Variants in TNXB observed in about 807,000 individuals in gnomAD.
The protein encoded by TNXB is tenascin-X.
TNXB carries 183 observed loss-of-function variants against 340.5 expected under a neutral mutation model. The observed-to-expected ratio is 0.54, with a 90% CI of 0.48 to 0.61. The LOEUF is 0.61. Ranked by LOEUF, TNXB falls within the 20% of genes least tolerant of loss-of-function variation. The probability of loss-of-function intolerance (pLI) is 0.00; values close to 1 mark genes in which losing one functional copy is unlikely to be tolerated. For synonymous variants in TNXB, 2,121 were observed against 2,314.5 expected, an observed-to-expected ratio of 0.92 and a Z score of 2.40; for missense variants, 4,613 against 5,446.4, an observed-to-expected ratio of 0.85 and a Z score of 4.82.
chr6:32,072,382 A>T lies in TNXB; in HGVS notation c.4682-84T>A. On this transcript the variant is annotated intron_variant, in intron 12 of 43. Coordinates refer to ENST00000644971, the MANE Select transcript of TNXB (RefSeq NM_001365276.2). This position sits in a 1 kb window ranked among gnomAD's most constrained non-coding sequence, Gnocchi z 4.4. The stretch of plus-strand genomic sequence containing the variant: ...TTTGAGGGCCTCAGGGGGGCTGTGA[A>T]CTGAGATGGGGAATAGTTACACCTT... 1 of 1,175,080 alleles carries T rather than the reference A, an allele frequency of 8.5e-7. No individual in the cohort carries two copies. The highest frequency in any genetic ancestry group is 1.2e-6 in the Non-Finnish European group (1 of 859,790). The allele number at this position is 1,175,080 out of a possible 1,614,324, so 72.8% of individuals were successfully genotyped here. A position where few individuals can be genotyped will look rare whatever the true frequency, so the allele number is the denominator to read the frequency against.
At chr6:32,100,047 G>A (rs1011925845) in intron 1 of TNXB, among the ~76,000 whole-genome samples, 2 of 147,998 alleles carry the variant, frequency 1.4e-5, no homozygotes, top group South Asian at 4.2e-4. Context: ...GAAAAGTAAA[G>A]CAATATCTTT....
rs569517605 is a variant in TNXB at position 32,107,137 on chromosome 6, C to T, written c.-9+2044G>A. ...GGTGTGAGAGGAACAAAGCAGGAGG[C>T]CCTTCCCAGTGGGAAGCAGCGGACA... On this transcript the variant is annotated intron_variant, in intron 1 of 43. Transcript: ENST00000644971. Among the ~76,000 whole-genome samples, 17 of 152,320 alleles carry T rather than the reference C, an allele frequency of 1.1e-4. 1 individual carries two copies. Among genetic ancestry groups the T allele is most frequent in the African/African-American group, 3.8e-4 (16 of 41,562 alleles).
In TNXB at chr6:32,084,670, G is replaced by GGGCCTGAGGACTTCCCAGGCTTC; in HGVS notation, c.3187_3188insGAAGCCTGGGAAGTCCTCAGGCC (p.Pro1063ArgfsTer14). ...TGTCACCGTCAGCTCACCCAGGCGT[G>GGGCCTGAGGACTTCCCAGGCTTC]GTGGGCCTGAGGACTTCCCAGGCTT... On this transcript the variant is annotated frameshift_variant, in exon 8 of 44. Transcript: ENST00000644971. LOFTEE classifies it high-confidence loss of function. The surrounding 1 kb of genome is among the most constrained non-coding windows in gnomAD (Gnocchi z 5.5). 1 of 1,591,628 alleles carries GGGCCTGAGGACTTCCCAGGCTTC rather than the reference G, an allele frequency of 6.3e-7. No individual in the cohort carries two copies. Among genetic ancestry groups the GGGCCTGAGGACTTCCCAGGCTTC allele is most frequent in the Non-Finnish European group, 8.6e-7 (1 of 1,166,848 alleles).
chr6:32,082,467 C>G lies in TNXB; in HGVS notation c.3446-141G>C. The G allele has an allele frequency of 1.2e-6, 1 of 866,090 alleles. No individual in the cohort carries two copies. The highest frequency in any genetic ancestry group is 1.7e-6 in the Non-Finnish European group (1 of 573,946). The allele number at this position is 866,090 out of a possible 1,614,324, so 53.7% of individuals were successfully genotyped here. A position where few individuals can be genotyped will look rare whatever the true frequency, so the allele number is the denominator to read the frequency against. On this transcript the variant is annotated intron_variant, in intron 8 of 43. Transcript: ENST00000644971. This position sits in a 1 kb window ranked among gnomAD's most constrained non-coding sequence, Gnocchi z 5.0. ...CATTTGCTGAGGGAGTACAGAGGGA[C>G]TGAAATCCAGCCAGCACTCTGCTTG...
At position 32,046,194 on chromosome 6, in the gene TNXB, G is replaced by C; in HGVS notation, c.10587C>G (p.Val3529=). 1 of 1,588,276 alleles carries C rather than the reference G, an allele frequency of 6.3e-7. No individual in the cohort carries two copies. The highest frequency in any genetic ancestry group is 8.6e-7 in the Non-Finnish European group (1 of 1,163,520). ...CCTCACCTGTCATTCCCAGGGCAGA[G>C]ACCGGGCCCAGGCGCTTTCCCCCAA... ...GLLGGKRLGP[V]SALGMTAPEE... is the part of the protein sequence containing the mutation. Residue 3529 remains valine, a synonymous_variant, in exon 31 of 44, where the codon GTC becomes GTG. Transcript: ENST00000644971. The surrounding 1 kb of genome is among the most constrained non-coding windows in gnomAD (Gnocchi z 6.9).
Position 32,072,632 on chromosome 6 carries a change from G to A in TNXB, c.4682-334C>T, listed in dbSNP as rs138195086. On this transcript the variant is annotated intron_variant, in intron 12 of 43. Transcript: ENST00000644971. This position sits in a 1 kb window ranked among gnomAD's most constrained non-coding sequence, Gnocchi z 4.4. Reference sequence around the variant, plus strand: ...CCAAGTCCTGTTATTTAATGAACTAGTAAATAAGTCCAAGTATTACTAAAT... The same window carrying A: ...CCAAGTCCTGTTATTTAATGAACTAATAAATAAGTCCAAGTATTACTAAAT... Among the ~76,000 whole-genome samples the A allele has an allele frequency of 8.5e-3, 1,293 of 152,346 alleles. 19 individuals carry two copies. The highest frequency in any genetic ancestry group is 0.03 in the African/African-American group (1,239 of 41,564).
Position 32,047,603 on chromosome 6 carries a change from A to G in TNXB, c.10324+131T>C. 9.9e-7 allele frequency: 1 copy of G among 1,014,366 alleles called. No homozygotes were observed. Among genetic ancestry groups the G allele is most frequent in the Non-Finnish European group, 1.4e-6 (1 of 718,656 alleles). 62.8% of individuals were successfully genotyped at this position (1,014,366 alleles called of 1,614,324 possible). On this transcript the variant is annotated intron_variant, in intron 30 of 43. Coordinates refer to ENST00000644971, the MANE Select transcript of TNXB (RefSeq NM_001365276.2). This position sits in a 1 kb window ranked among gnomAD's most constrained non-coding sequence, Gnocchi z 6.2. ...AGAACTGTGCCTGACACACAGAGGG[A>G]CTCACTTTCGGAGTTAAGATGGTTG...
Position 32,075,339 on chromosome 6 carries a change from T to C in TNXB, c.4376-1387A>G, listed in dbSNP as rs1779024696. On this transcript the variant is annotated intron_variant, in intron 11 of 43. Coordinates refer to ENST00000644971, the MANE Select transcript of TNXB (RefSeq NM_001365276.2). The surrounding 1 kb of genome is among the most constrained non-coding windows in gnomAD (Gnocchi z 4.6). ...TATTCATCTCTTAGATCATTCCCTA[T>C]TGCCTGCCCTCCTCCAACTCCACCA... is the stretch of plus-strand genomic sequence containing the variant. Among the ~76,000 whole-genome samples the C allele has an allele frequency of 1.3e-5, 2 of 152,224 alleles. No homozygotes were observed. The highest frequency in any genetic ancestry group is 2.4e-5 in the African/African-American group (1 of 41,454).
chr6:32,047,836 C>T lies in TNXB; in HGVS notation c.10222G>A (p.Val3408Ile). ...VVPVAANQRE[V>I]TVQGLEPSRK... ...CTGGGCTCCAGGCCCTGGACTGTGA[C>T]CTCCCGCTGGTTGGCTGCCACCGGC... The change falls in exon 30 of 44, where the codon GTC becomes ATC. Residue 3408 changes from valine (V) to isoleucine (I), a missense_variant. Val to Ile is a conservative substitution (Grantham distance 29, BLOSUM62 3). Transcript: ENST00000644971. This position sits in a 1 kb window ranked among gnomAD's most constrained non-coding sequence, Gnocchi z 6.2. 1 of 1,612,012 alleles carries T rather than the reference C, an allele frequency of 6.2e-7. No homozygotes were observed. Among genetic ancestry groups the T allele is most frequent in the Non-Finnish European group, 8.5e-7 (1 of 1,179,482 alleles).
In TNXB at chr6:32,049,982, C is replaced by G. The variant is rs746619955; in HGVS notation, c.9439+16G>C. 1.1e-5 allele frequency: 17 copies of G among 1,612,520 alleles called. No homozygotes were observed. Among genetic ancestry groups the G allele is most frequent in the Middle Eastern group, 1.6e-4 (1 of 6,080 alleles). The stretch of plus-strand genomic sequence containing the variant: ...CTCCCACAGCTCCCACCCTGGGGCT[C>G]CCATCATTCACTCACCCGTCACCCC... On this transcript the variant is annotated intron_variant, in intron 27 of 43. Coordinates refer to ENST00000644971, the MANE Select transcript of TNXB (RefSeq NM_001365276.2). This position sits in a 1 kb window ranked among gnomAD's most constrained non-coding sequence, Gnocchi z 4.5.
At chr6:32,098,940 C>G (rs1435065943) in intron 1 of TNXB, among the ~76,000 whole-genome samples, 5 of 152,212 alleles carry the variant, frequency 3.3e-5, no homozygotes, top group Non-Finnish European at 5.9e-5. Flanking sequence ...TCTTCCATTA[C>G]TCTCTATCAC....
chr6:32,056,198 G>C (rs751995005), intron 23 of TNXB, 24 bp from the exon 24 acceptor site: 1 of 1,599,780 alleles, frequency 6.3e-7, no homozygotes, highest in Admixed American at 1.7e-5. Context: ...ATATAGAGAG[G>C]ATGCCAGGTG....
At position 32,081,884 on chromosome 6, in the gene TNXB, C is replaced by A. The variant is rs545499395; in HGVS notation, c.3736+152G>T. Among the ~76,000 whole-genome samples, 1 of 152,032 alleles carries A rather than the reference C, an allele frequency of 6.6e-6. No homozygotes were observed. Among genetic ancestry groups the A allele is most frequent in the South Asian group, 2.1e-4 (1 of 4,824 alleles). On this transcript the variant is annotated intron_variant, in intron 9 of 43. Transcript: ENST00000644971. This position sits in a 1 kb window ranked among gnomAD's most constrained non-coding sequence, Gnocchi z 5.1. ...TTGGGATGGAAGGGGCCCAGCAGTG[C>A]GGGGGAGTCTGGCTGCCCCTCAGCC...
rs199623625 is a variant in TNXB, at chr6:32,046,412, C to T, written c.10369G>A (p.Val3457Met). 4.5e-5 allele frequency: 71 copies of T among 1,579,968 alleles called. No individual in the cohort carries two copies. The highest frequency in any genetic ancestry group is 5.7e-5 in the Non-Finnish European group (66 of 1,156,552). The change falls in exon 31 of 44, where the codon GTG becomes ATG. Residue 3457 changes from valine (V) to methionine (M), a missense_variant. Around this residue, in one of 7 missense-constraint regions of TNXB, gnomAD observed 4,327 missense variants for 4,859.4 expected, o/e 0.89. Transcript: ENST00000644971. This position sits in a 1 kb window ranked among gnomAD's most constrained non-coding sequence, Gnocchi z 6.9. ...ELPPHLGELTVAEETSSSLRL... is the reference protein window; with the variant it reads ...ELPPHLGELTMAEETSSSLRL... Reference sequence around the variant, plus strand: ...AGAGAGCTGGAGGTCTCCTCAGCCACGGTCAGTTCCCCCAGGTGGGGAGGT... The same window carrying T: ...AGAGAGCTGGAGGTCTCCTCAGCCATGGTCAGTTCCCCCAGGTGGGGAGGT...
rs1780409513 is a variant in TNXB, at chr6:32,096,727, C to T, written c.1126G>A (p.Asp376Asn). 5 of 1,552,350 alleles carry T rather than the reference C, an allele frequency of 3.2e-6. 1 individual carries two copies. In the South Asian group the frequency reaches 4.7e-5, roughly 15 times the overall value. Residue 376 changes from aspartate (D) to asparagine (N), a missense_variant, in exon 3 of 44, where the codon GAC (aspartate) becomes AAC (asparagine). Transcript: ENST00000644971. ...TCGCAGCGCCCGCGGCCCCGGCAGT[C>T]CCTCGGACATGTCCGCGTGCTGCAG... ...EDCSTRTCPR[D>N]CRGRGRCEDG...
At position 32,062,669 on chromosome 6, in the gene TNXB, G is replaced by A. The variant is rs999117901; in HGVS notation, c.6842-186C>T. 1.3e-5 allele frequency among the ~76,000 whole-genome samples: 2 copies of A among 152,200 alleles called. No individual in the cohort carries two copies. The highest frequency in any genetic ancestry group is 4.8e-5 in the African/African-American group (2 of 41,442). On this transcript the variant is annotated intron_variant, in intron 19 of 43. Coordinates refer to ENST00000644971, the MANE Select transcript of TNXB (RefSeq NM_001365276.2). This position sits in a 1 kb window ranked among gnomAD's most constrained non-coding sequence, Gnocchi z 4.3. ...CCTGTGGTGAAGTCATGATGCTCAG[G>A]TGGCATCCCTGTGATGCTCAGTGTG...
At position 32,087,728 on chromosome 6, in the gene TNXB, G is replaced by A. The variant is rs1443570063; in HGVS notation, c.2779+1057C>T. ...ACCGACGTGTAAGTCTGGTTGGCCC[G>A]CAGTGGGTAGCCGTGAGCCCGCAGG... On this transcript the variant is annotated intron_variant, in intron 6 of 43. Coordinates refer to ENST00000644971, the MANE Select transcript of TNXB (RefSeq NM_001365276.2). The surrounding 1 kb of genome is among the most constrained non-coding windows in gnomAD (Gnocchi z 9.0). 2.0e-6 allele frequency: 1 copy of A among 489,576 alleles called. No homozygotes were observed. The highest frequency in any genetic ancestry group is 5.9e-5 in the East Asian group (1 of 16,862). The allele number at this position is 489,576 out of a possible 1,614,324, so 30.3% of individuals were successfully genotyped here.
chr6:32,085,894 C>T lies in TNXB; in HGVS notation c.3004G>A (p.Gly1002Arg), dbSNP rs1044886455. Residue 1002 changes from glycine to arginine, a missense_variant, in exon 7 of 44, where the codon GGG (glycine) becomes AGG (arginine). Around this residue, in one of 7 missense-constraint regions of TNXB, gnomAD observed 4,327 missense variants for 4,859.4 expected, o/e 0.89. Coordinates refer to ENST00000644971, the MANE Select transcript of TNXB (RefSeq NM_001365276.2). The surrounding 1 kb of genome is among the most constrained non-coding windows in gnomAD (Gnocchi z 6.4). The part of the protein sequence containing the change: ...QLRMRVPEGP[G>R]AHEEVLPGDV... ...CCTGGCAGCACTTCCTCATGTGCCC[C>T]CGGCCCCTCGGGCACCCGCATGCGC... The T allele has an allele frequency of 6.2e-7, 1 of 1,608,242 alleles. No homozygotes were observed. Among genetic ancestry groups the T allele is most frequent in the South Asian group, 1.1e-5 (1 of 90,086 alleles).
chr6:32,072,132 C>A lies in TNXB; in HGVS notation c.4848G>T (p.Gly1616=). 1 of 1,613,098 alleles carries A rather than the reference C, an allele frequency of 6.2e-7. No homozygotes were observed. The highest frequency in any genetic ancestry group is 8.5e-7 in the Non-Finnish European group (1 of 1,179,526). The change falls in exon 13 of 44, where the codon GGG becomes GGT. Residue 1616 remains glycine (G), a synonymous_variant. Transcript: ENST00000644971. This position sits in a 1 kb window ranked among gnomAD's most constrained non-coding sequence, Gnocchi z 4.4. ...SFVVQYKDRD[G]QPQVVPVAAD... ...CAGCCACGGGCACCACCTGGGGCTG[C>A]CCGTCCCTGTCCTTGTACTGAACCA...
Sources: gnomAD v4.1 joint callset for allele counts (sites outside exome capture counted in the v4.1 genomes callset) on GRCh38, gnomAD v4.1.1 for gene constraint, gnomAD v4.1.1 regional missense constraint, Gnocchi (gnomAD v3.1) non-coding constraint, MANE v1.5 for transcripts, NCBI Gene and HGNC (gene_info 2026-07-23, HGNC 2026-07-21) for gene names.